Variants in ZDHHC22 observed in about 807,000 individuals in gnomAD.
The protein encoded by ZDHHC22 is palmitoyltransferase ZDHHC22.
ZDHHC22 carries 13 observed loss-of-function variants against 17.0 expected under a neutral mutation model. That is an observed-to-expected ratio of 0.76 (90% CI 0.50 to 1.21). ZDHHC22 has a LOEUF of 1.21. ZDHHC22 is among the 50% of genes most tolerant of loss of function. The pLI, the probability that ZDHHC22 is intolerant of heterozygous loss-of-function variation, is 0.00. For synonymous variants in ZDHHC22, 138 were observed against 154.7 expected, an observed-to-expected ratio of 0.89 and a Z score of 0.80; for missense variants, 319 against 342.3, an observed-to-expected ratio of 0.93 and a Z score of 0.54.
chr14:77,135,479 T>C (rs879265670), intron 2 of ZDHHC22, among the ~76,000 whole-genome samples: 1 of 152,232 alleles, frequency 6.6e-6, no homozygotes, highest in Non-Finnish European at 1.5e-5. Flanking sequence ...TATTATTTTT[T>C]TTTTTTTTTA....
At chr14:77,141,162 C>T (rs2140056376) in intron 1 of ZDHHC22, 1 of 152,304 alleles carries the variant, frequency 6.6e-6, no homozygotes, top group Non-Finnish European at 1.5e-5. Flanking sequence ...GCCCCCAGTC[C>T]TGCGCCGCCG....
chr14:77,140,075 G>C lies in ZDHHC22; in HGVS notation c.-14-323C>G, dbSNP rs1887223842. ...TCTTTAGGAGTTGTGAGGGTGGGGG[G>C]CACCGGGGGATAGGACTCCTCCCCT... is the stretch of plus-strand genomic sequence containing the variant. On this transcript the variant is annotated intron_variant, in intron 1 of 2. Transcript: ENST00000319374. The surrounding 1 kb of genome is among the most constrained non-coding windows in gnomAD (Gnocchi z 5.9). Among the ~76,000 whole-genome samples the C allele has an allele frequency of 6.6e-6, 1 of 152,130 alleles. No individual in the cohort carries two copies. The highest frequency in any genetic ancestry group is 1.5e-5 in the Non-Finnish European group (1 of 68,018).
chr14:77,133,704 GCT>G lies in ZDHHC22; in HGVS notation c.769_770del (p.Ser257LeufsTer6), dbSNP rs1167334364. The G allele has an allele frequency of 6.2e-7, 1 of 1,613,698 alleles. No individual in the cohort carries two copies. Among genetic ancestry groups the G allele is most frequent in the East Asian group, 2.2e-5 (1 of 44,896 alleles). ...TCTACTACTTATCCTGCTGCTTGGA[GCT>G]CTCACTTCCGACATTGAACATGGGG... ...LVPMFNVGSE[S>X]SKQQDK On this transcript the variant is annotated frameshift_variant, in exon 3 of 3. Coordinates refer to ENST00000319374, the MANE Select transcript of ZDHHC22 (RefSeq NM_174976.2). LOFTEE classifies it high-confidence loss of function.
Position 77,139,461 on chromosome 14 carries a change from C to T in ZDHHC22, c.278G>A (p.Ser93Asn). Reference sequence around the variant, plus strand: ...GGCGCACACTCGGCAGAAGTGGGTGCTAGGTGAGGGGCATGGAGTCTTCCT... The same window carrying T: ...GGCGCACACTCGGCAGAAGTGGGTGTTAGGTGAGGGGCATGGAGTCTTCCT... ...SARKTPCPSPSTHFCRVCARV... is the reference protein window; with the variant it reads ...SARKTPCPSPNTHFCRVCARV... The change falls in exon 2 of 3, where the codon AGC becomes AAC. Residue 93 changes from serine to asparagine, a missense_variant. Physicochemically the swap from Ser to Asn is conservative, Grantham distance 46. Transcript: ENST00000319374. The T allele has an allele frequency of 6.2e-7, 1 of 1,613,148 alleles. No homozygotes were observed.
At chr14:77,136,048 C>T (rs1456865306) in intron 2 of ZDHHC22, among the ~76,000 whole-genome samples, 2 of 152,202 alleles carry the variant, frequency 1.3e-5, no homozygotes, top group African/African-American at 2.4e-5. Flanking sequence ...CCTGCCCCTT[C>T]CTCCCAACAG....
chr14:77,139,802 G>A (rs1178430913), intron 1 of ZDHHC22, 50 bp from the exon 2 acceptor site: 1 of 1,441,032 alleles, frequency 6.9e-7, no homozygotes, highest in Non-Finnish European at 9.1e-7. Flanking sequence ...GCGTCCAGGG[G>A]GCGCCCTCGC....
intron 2 of ZDHHC22, among the ~76,000 whole-genome samples, chr14:77,138,616 C>A (rs1479948820): frequency 3.3e-5 from 5 of 152,022 alleles, no homozygotes; most frequent in Non-Finnish European, 2.9e-5. Flanking sequence ...CTGCTCTGAG[C>A]CATCAGCAGG....
rs1363895123 is a variant in ZDHHC22 at position 77,140,090 on chromosome 14, ACTC to A, written c.-14-341_-14-339del. ...AGGGTGGGGGGCACCGGGGGATAGG[ACTC>A]CTCCCCTCTGTGGATGTGGAAACAA... On this transcript the variant is annotated intron_variant, in intron 1 of 2. Coordinates refer to ENST00000319374, the MANE Select transcript of ZDHHC22 (RefSeq NM_174976.2). The surrounding 1 kb of genome is among the most constrained non-coding windows in gnomAD (Gnocchi z 5.9). Among the ~76,000 whole-genome samples the A allele has an allele frequency of 1.6e-4, 24 of 150,262 alleles. No homozygotes were observed. Among genetic ancestry groups the A allele is most frequent in the Admixed American group, 4.0e-4 (6 of 15,096 alleles).
chr14:77,139,566 G>T lies in ZDHHC22; in HGVS notation c.173C>A (p.Ser58Ter), dbSNP rs767352142. The stretch of plus-strand genomic sequence containing the variant: ...GACGTAATTGCCCAGGGCGTTGGCC[G>T]AGAGGAATAGGAAGAGCGCCCCGTG... ...LLHGALFLFL[S>*]ANALGNYVLV... The change falls in exon 2 of 3, where the codon TCG (serine) becomes TAG (stop). Residue 58 changes from serine (S) to a stop codon, truncating the protein, a stop_gained. Transcript: ENST00000319374. LOFTEE classifies it high-confidence loss of function. 1.2e-6 allele frequency: 2 copies of T among 1,601,742 alleles called. No homozygotes were observed. Among genetic ancestry groups the T allele is most frequent in the Non-Finnish European group, 1.7e-6 (2 of 1,174,090 alleles).
chr14:77,140,027 A>G lies in ZDHHC22; in HGVS notation c.-14-275T>C, dbSNP rs1199209308. ...GCCTTGGCGCGGCAGAGTCTGGCAC[A>G]GGAGGGAGGGACTCGTTTGCAGTCT... On this transcript the variant is annotated intron_variant, in intron 1 of 2. Coordinates refer to ENST00000319374, the MANE Select transcript of ZDHHC22 (RefSeq NM_174976.2). The surrounding 1 kb of genome is among the most constrained non-coding windows in gnomAD (Gnocchi z 5.9). Among the ~76,000 whole-genome samples, 3 of 152,138 alleles carry G rather than the reference A, an allele frequency of 2.0e-5. No homozygotes were observed. The highest frequency in any genetic ancestry group is 2.9e-5 in the Non-Finnish European group (2 of 68,008).
At chr14:77,138,064 C>T (rs1422930427) in intron 2 of ZDHHC22, among the ~76,000 whole-genome samples, 1 of 152,172 alleles carries the variant, frequency 6.6e-6, no homozygotes, top group East Asian at 1.9e-4. Flanking sequence ...CAATGCTATA[C>T]ATGCACACTC....
intron 2 of ZDHHC22, among the ~76,000 whole-genome samples, chr14:77,137,935 G>A (rs1887170286): frequency 6.6e-6 from 1 of 152,182 alleles, no homozygotes; most frequent in Non-Finnish European, 1.5e-5. Context: ...CTGCAGAAGA[G>A]CTGTGGATTA....
chr14:77,141,037 T>G (rs1475356399), intron 1 of ZDHHC22: 1 of 152,422 alleles, frequency 6.6e-6, no homozygotes, highest in Non-Finnish European at 1.5e-5. Context: ...GAATCCCCTT[T>G]GCAGGTCCCA....
Position 77,139,252 on chromosome 14 carries a change from G to T in ZDHHC22, c.487C>A (p.Leu163Ile). 2 of 1,592,960 alleles carry T rather than the reference G, an allele frequency of 1.3e-6. No homozygotes were observed. The highest frequency in any genetic ancestry group is 1.7e-6 in the Non-Finnish European group (2 of 1,169,914). Reference protein sequence around the residue: ...SISFAHPLAFLTLLPTSISQF... With the variant: ...SISFAHPLAFITLLPTSISQF... ...CTGATGGAGGTGGGCAGGAGCGTGA[G>T]GAAGGCCAAGGGGTGGGCGAAGGAG... The change falls in exon 2 of 3, where the codon CTC becomes ATC. Residue 163 changes from leucine to isoleucine, a missense_variant. Leu to Ile is a conservative substitution (Grantham distance 5, BLOSUM62 2). Coordinates refer to ENST00000319374, the MANE Select transcript of ZDHHC22 (RefSeq NM_174976.2).
Position 77,137,834 on chromosome 14 carries a change from T to C in ZDHHC22, c.526+1379A>G, listed in dbSNP as rs189381575. 3.3e-5 allele frequency among the ~76,000 whole-genome samples: 5 copies of C among 152,240 alleles called. No homozygotes were observed. The East Asian group carries it at 9.6e-4, about 29-fold the overall frequency. On this transcript the variant is annotated intron_variant, in intron 2 of 2. Coordinates refer to ENST00000319374, the MANE Select transcript of ZDHHC22 (RefSeq NM_174976.2). ...GTTCAGCCCAGGCACCTCAAAACAA[T>C]CTTGGGCTTTCAGAGGAAGTAGCTG... is the stretch of plus-strand genomic sequence containing the variant.
Position 77,131,743 on chromosome 14 carries a change from T to C in ZDHHC22, c.*1940A>G, listed in dbSNP as rs1367130547. 1 of 152,174 alleles carries C rather than the reference T, an allele frequency of 6.6e-6. No homozygotes were observed. Among genetic ancestry groups the C allele is most frequent in the African/African-American group, 2.4e-5 (1 of 41,436 alleles). 9.4% of individuals were successfully genotyped at this position (152,174 alleles called of 1,614,324 possible). On this transcript the variant is annotated 3_prime_UTR_variant, in exon 3 of 3. Transcript: ENST00000319374. ...CCATTTTGCAGGGAGTGTGAATCAG[T>C]GCACAGACGGCAGTGACAAGGTGCC...
intron 1 of ZDHHC22, 108 bp from the exon 2 acceptor site, chr14:77,139,860 C>G: frequency 1.7e-6 from 2 of 1,159,438 alleles, no homozygotes; most frequent in Non-Finnish European, 2.3e-6. Context: ...GACTCCACGC[C>G]CCCAACCCCC....
In ZDHHC22 at chr14:77,131,614, G is replaced by A. The variant is rs967944452; in HGVS notation, c.*2069C>T. 2 of 152,168 alleles carry A rather than the reference G, an allele frequency of 1.3e-5. No individual in the cohort carries two copies. The highest frequency in any genetic ancestry group is 2.4e-5 in the African/African-American group (1 of 41,412). The allele number at this position is 152,168 out of a possible 1,614,324, so 9.4% of individuals were successfully genotyped here. A position where few individuals can be genotyped will look rare whatever the true frequency, so the allele number is the denominator to read the frequency against. ...AATTGTGGGTGAAAATGCCCCCAGC[G>A]ACTCCTCCATTGAGGCAGCCTAGGC... is the stretch of plus-strand genomic sequence containing the variant. On this transcript the variant is annotated 3_prime_UTR_variant, in exon 3 of 3. Coordinates refer to ENST00000319374, the MANE Select transcript of ZDHHC22 (RefSeq NM_174976.2).
chr14:77,139,984 G>C (rs963793596), intron 1 of ZDHHC22, among the ~76,000 whole-genome samples: 4 of 152,198 alleles, frequency 2.6e-5, no homozygotes, highest in African/African-American at 9.6e-5. Flanking sequence ...GTTGCCTGGG[G>C]TTTTGAGCGA....
Sources: allele counts gnomAD v4.1 joint callset (sites outside exome capture counted in the v4.1 genomes callset), GRCh38; gene constraint gnomAD v4.1.1; non-coding constraint Gnocchi (gnomAD v3.1); transcripts MANE v1.5; gene names NCBI Gene and HGNC (gene_info 2026-07-23, HGNC 2026-07-21).